TSPEAR: variants seen among roughly 807,000 people sequenced by gnomAD.
The protein encoded by TSPEAR is thrombospondin-type laminin G domain and EAR repeat-containing protein.
Under a neutral mutation model 71.6 loss-of-function variants are expected in TSPEAR, and 69 were observed. That is an observed-to-expected ratio of 0.96 (90% CI 0.79 to 1.18). The LOEUF (loss-of-function observed/expected upper bound fraction) is 1.18. TSPEAR is among the 50% of genes most tolerant of loss of function. The pLI is 0.00. For synonymous variants in TSPEAR, 402 were observed against 387.2 expected (o/e 1.04, Z -0.45); for missense variants, 971 against 894.9 (o/e 1.09, Z -1.09).
chr21:44,627,185 C>A, intron 1 of TSPEAR: 5 of 1,612,862 alleles, frequency 3.1e-6, no homozygotes, highest in Non-Finnish European at 4.2e-6. Flanking sequence ...GCCGCGTCCA[C>A]CATGTCCATC....
chr21:44,536,203 G>A (rs1269177187), intron 2 of TSPEAR, among the ~76,000 whole-genome samples: 2 of 152,236 alleles, frequency 1.3e-5, no homozygotes, highest in Non-Finnish European at 2.9e-5. Context: ...TTTCCGGGCG[G>A]TGCTGGGCTT....
Position 44,711,379 on chromosome 21 carries a change from C to T in TSPEAR, c.82+54G>A. On this transcript the variant is annotated intron_variant, in intron 1 of 11. Coordinates refer to ENST00000323084, the MANE Select transcript of TSPEAR (RefSeq NM_144991.3). This position sits in a 1 kb window ranked among gnomAD's most constrained non-coding sequence, Gnocchi z 4.5. The stretch of plus-strand genomic sequence containing the variant: ...AAGTGGCATTTGTGACTCGACACCC[C>T]TCCCAGCTCCCCGGCAAGATACCCC... The T allele has an allele frequency of 6.6e-7, 1 of 1,508,126 alleles. No homozygotes were observed. Among genetic ancestry groups the T allele is most frequent in the Non-Finnish European group, 9.0e-7 (1 of 1,110,560 alleles). The allele number at this position is 1,508,126 out of a possible 1,614,324, so 93.4% of individuals were successfully genotyped here.
chr21:44,631,304 TATA>T (rs1322513160), intron 1 of TSPEAR, among the ~76,000 whole-genome samples: 3 of 152,122 alleles, frequency 2.0e-5, no homozygotes, highest in Non-Finnish European at 4.4e-5. Flanking sequence ...AGTTGAAAAG[TATA>T]ATAACTGATA....
At chr21:44,613,055 TC>T (rs1981828465) in intron 1 of TSPEAR, 4 of 943,950 alleles carry the variant, frequency 4.2e-6, no homozygotes, top group African/African-American at 3.3e-5. Flanking sequence ...TCCTCACTGC[TC>T]CCCAGCTCTT....
chr21:44,599,171 T>TCTCTCTCC (rs1569210763), intron 1 of TSPEAR, among the ~76,000 whole-genome samples: 3 of 125,072 alleles, frequency 2.4e-5, no homozygotes, highest in East Asian at 5.3e-4. Context: ...TCTCTCTCTC[T>TCTCTCTCC]CCTTCCATCC....
At chr21:44,542,748 AAAAAAAAAAAG>A (rs2053241682) in intron 2 of TSPEAR, among the ~76,000 whole-genome samples, 1 of 150,528 alleles carries the variant, frequency 6.6e-6, no homozygotes, top group Non-Finnish European at 1.5e-5. Flanking sequence ...CTGTTAAAAA[AAAAAAAAAAAG>A]AAAAAGAAAA....
chr21:44,613,158 T>C (rs1345146141), intron 1 of TSPEAR, among the ~76,000 whole-genome samples: 1 of 152,170 alleles, frequency 6.6e-6, no homozygotes, highest in Non-Finnish European at 1.5e-5. Flanking sequence ...CTTGAACCTC[T>C]CAGCACCTCC....
At chr21:44,622,201 T>C (rs587766168) in intron 1 of TSPEAR, among the ~76,000 whole-genome samples, 2 of 152,356 alleles carry the variant, frequency 1.3e-5, no homozygotes, top group Admixed American at 6.5e-5. Context: ...TTGACTAAAG[T>C]AACAACACAT....
At chr21:44,652,550 T>C (rs1305683921) in intron 1 of TSPEAR, among the ~76,000 whole-genome samples, 1 of 152,240 alleles carries the variant, frequency 6.6e-6, no homozygotes, top group East Asian at 1.9e-4. Flanking sequence ...TACATTCTTC[T>C]GTGAGACTTT....
intron 1 of TSPEAR, chr21:44,647,520 G>A (rs1984513841): frequency 2.4e-6 from 2 of 841,162 alleles, no homozygotes; most frequent in Admixed American, 5.8e-5. Context: ...CCACTGTCTG[G>A]GAAGAGACAA....
chr21:44,591,247 CAG>C (rs1341828377), intron 1 of TSPEAR: 33 of 1,446,990 alleles, frequency 2.3e-5, no homozygotes, highest in Middle Eastern at 5.0e-4. Flanking sequence ...CTGGGAAGGA[CAG>C]GGGGAGCATC....
chr21:44,538,626 G>C (rs1222477189), intron 2 of TSPEAR, among the ~76,000 whole-genome samples: 2 of 152,190 alleles, frequency 1.3e-5, no homozygotes, highest in African/African-American at 4.8e-5. Flanking sequence ...GGGTGACCAG[G>C]CCTGGAGGCT....
chr21:44,672,980 T>C (rs1268761377), intron 1 of TSPEAR, among the ~76,000 whole-genome samples: 2 of 152,218 alleles, frequency 1.3e-5, no homozygotes, highest in Non-Finnish European at 2.9e-5. Context: ...ATGAGCCAAT[T>C]AATCCTCTTT....
chr21:44,653,276 C>T (rs970994710), intron 1 of TSPEAR, among the ~76,000 whole-genome samples: 2 of 152,162 alleles, frequency 1.3e-5, no homozygotes, highest in Non-Finnish European at 1.5e-5. Context: ...CCCCCAAACC[C>T]GGATGTGATT....
At position 44,504,438 on chromosome 21, in the gene TSPEAR, A is replaced by G. The variant is rs199727398; in HGVS notation, c.1856+342T>C. Among the ~76,000 whole-genome samples, 249 of 110,306 alleles carry G rather than the reference A, an allele frequency of 2.3e-3. 7 individuals are homozygous for G. Among genetic ancestry groups the G allele is most frequent in the African/African-American group, 7.1e-3 (199 of 28,152 alleles). 72.4% of individuals were successfully genotyped at this position (110,306 alleles called of 152,430 possible). On this transcript the variant is annotated intron_variant, in intron 11 of 11. Transcript: ENST00000323084. ...AAGGCTCTGGGAGGAAGCTGGCCTC[A>G]GTGAGCCCACAGTGGGGAAGCAAGG...
In TSPEAR at chr21:44,637,859, G is replaced by A. The variant is rs781886207; in HGVS notation, c.83-69854C>T. 4.6e-6 allele frequency: 7 copies of A among 1,530,960 alleles called. No individual in the cohort carries two copies. In the South Asian group the frequency reaches 7.1e-5, roughly 16 times the overall value. 94.8% of individuals were successfully genotyped at this position (1,530,960 alleles called of 1,614,324 possible). A position where few individuals can be genotyped will look rare whatever the true frequency, so the allele number is the denominator to read the frequency against. ...CTCCCCATGCCAGCAGGCCTGCTGTGTGCCTGTCTGCTCTAAGTCCGTCTG... is the reference window on the plus strand; with the variant it reads ...CTCCCCATGCCAGCAGGCCTGCTGTATGCCTGTCTGCTCTAAGTCCGTCTG... On this transcript the variant is annotated intron_variant, in intron 1 of 11. Coordinates refer to ENST00000323084, the MANE Select transcript of TSPEAR (RefSeq NM_144991.3).
chr21:44,635,415 C>A (rs1555936475), intron 1 of TSPEAR, among the ~76,000 whole-genome samples: 1 of 151,046 alleles, frequency 6.6e-6, no homozygotes, highest in South Asian at 2.1e-4. Flanking sequence ...TGAAAAGAAC[C>A]CAAAAGTGCA....
intron 1 of TSPEAR, among the ~76,000 whole-genome samples, chr21:44,706,508 C>T (rs576488163): frequency 1.3e-5 from 2 of 152,198 alleles, no homozygotes; most frequent in South Asian, 4.1e-4. Context: ...CACCGCTGTC[C>T]CCAGCCGTGC....
intron 1 of TSPEAR, chr21:44,677,716 G>T: frequency 7.0e-7 from 1 of 1,428,168 alleles, no homozygotes; most frequent in South Asian, 1.1e-5. Flanking sequence ...TGTGAGGCAG[G>T]CTGTTTAAAT....
Sources: allele counts gnomAD v4.1 joint callset (sites outside exome capture counted in the v4.1 genomes callset), GRCh38; gene constraint gnomAD v4.1.1; non-coding constraint Gnocchi (gnomAD v3.1); transcripts MANE v1.5; gene names NCBI Gene and HGNC (gene_info 2026-07-23, HGNC 2026-07-21).